Variants in LINGO1 observed in about 807,000 individuals in gnomAD.
LINGO1 encodes leucine rich repeat and Ig domain containing 1, also known as leucine-rich repeat and immunoglobulin-like domain-containing nogo receptor-interacting protein 1.
LINGO1 carries 11 observed loss-of-function variants against 37.3 expected under a neutral mutation model. That is an observed-to-expected ratio of 0.29 (90% CI 0.19 to 0.49). LINGO1 has a LOEUF of 0.49. Among genes scored for constraint, LINGO1 ranks in the 20% least tolerant of loss-of-function variants. The probability of loss-of-function intolerance (pLI) is 0.99; values close to 1 mark genes in which losing one functional copy is unlikely to be tolerated. For missense variants in LINGO1, 585 were observed against 878.2 expected (o/e 0.67, Z 4.22); for synonymous variants, 387 against 403.0 (o/e 0.96, Z 0.48).
chr15:77,629,984 G>A, intron 1 of LINGO1, among the ~76,000 whole-genome samples: 1 of 152,060 alleles, frequency 6.6e-6, no homozygotes, highest in East Asian at 1.9e-4. Flanking sequence ...GCGGGGCCAA[G>A]CCAGGTGAGG....
chr15:77,748,718 G>A (rs1283157492), intron 1 of LINGO1, among the ~76,000 whole-genome samples: 1 of 151,782 alleles, frequency 6.6e-6, no homozygotes, highest in Non-Finnish European at 1.5e-5. Flanking sequence ...TTTATTGGGG[G>A]TGCGGTGCAG....
chr15:77,672,966 G>A (rs573496760), intron 3 of LINGO1, among the ~76,000 whole-genome samples: 1 of 152,302 alleles, frequency 6.6e-6, no homozygotes, highest in African/African-American at 2.4e-5. Context: ...GGACAGACAT[G>A]AGACTTTGGG....
rs74026870 is a variant in LINGO1, at chr15:77,816,920, T to C, written c.-458+3338A>G. 4.1e-3 allele frequency among the ~76,000 whole-genome samples: 629 copies of C among 151,756 alleles called. 6 individuals are homozygous for C. Among genetic ancestry groups the C allele is most frequent in the African/African-American group, 0.014 (595 of 41,322 alleles). On this transcript the variant is annotated intron_variant, in intron 1 of 5. Transcript: ENST00000562933. ...TGTCAACCAGAGCTTTGGTCAACAC[T>C]CAGGAGGCAAAAGTCTGGAGCTTAG... is the stretch of plus-strand genomic sequence containing the variant.
At chr15:77,683,836 T>TA (rs60118146) in intron 2 of LINGO1, among the ~76,000 whole-genome samples, 60 of 147,898 alleles carry the variant, frequency 4.1e-4, no homozygotes, top group African/African-American at 9.6e-4. Flanking sequence ...GCTTTTATGG[T>TA]AAAAAAAAAA....
chr15:77,697,574 T>TTCAC (rs1359324615), upstream of LINGO1, among the ~76,000 whole-genome samples: 1 of 127,914 alleles, frequency 7.8e-6, no homozygotes, highest in Non-Finnish European at 1.8e-5. Context: ...CACTCATTCA[T>TTCAC]TCACTCATTC....
chr15:77,650,377 T>C (rs1426660101), intron 3 of LINGO1, among the ~76,000 whole-genome samples: 3 of 152,166 alleles, frequency 2.0e-5, no homozygotes, highest in African/African-American at 7.2e-5. Flanking sequence ...GGCTCCCAGG[T>C]GGGACACAGA....
chr15:77,617,331 G>T (rs1359350968), intron 1 of LINGO1, among the ~76,000 whole-genome samples: 1 of 152,102 alleles, frequency 6.6e-6, no homozygotes, highest in Non-Finnish European at 1.5e-5. Context: ...GTGAGTAGGG[G>T]GGTTGGGGGA....
intron 2 of LINGO1, among the ~76,000 whole-genome samples, chr15:77,711,639 C>T (rs377418080): frequency 7.9e-5 from 12 of 152,188 alleles, no homozygotes; most frequent in African/African-American, 9.7e-5. Context: ...TCACAGGATG[C>T]GTGCATTAAA....
At chr15:77,773,748 T>G (rs2076608996) in intron 1 of LINGO1, among the ~76,000 whole-genome samples, 1 of 151,588 alleles carries the variant, frequency 6.6e-6, no homozygotes, top group Admixed American at 6.5e-5. Flanking sequence ...ATTTTAAGCA[T>G]ATGACCTCTC....
At chr15:77,735,541 G>C (rs755789558) in intron 1 of LINGO1, among the ~76,000 whole-genome samples, 2 of 152,188 alleles carry the variant, frequency 1.3e-5, no homozygotes, top group East Asian at 1.9e-4. Flanking sequence ...CTTTACCTGG[G>C]CCCAGTCTCA....
In LINGO1 at chr15:77,614,236, G is replaced by A; in HGVS notation, c.1671C>T (p.Leu557=). The A allele has an allele frequency of 1.9e-6, 3 of 1,614,066 alleles. No individual in the cohort carries two copies. The highest frequency in any genetic ancestry group is 2.5e-6 in the Non-Finnish European group (3 of 1,179,906). ...TVPFPFDIKT[L]IIATTMGFIS... ...TGAAGCCCATGGTGGTGGCGATGATGAGGGTCTTGATGTCGAAGGGGAAAG... is the reference window on the plus strand; with the variant it reads ...TGAAGCCCATGGTGGTGGCGATGATAAGGGTCTTGATGTCGAAGGGGAAAG... The change falls in exon 2 of 2, where the codon CTC becomes CTT. Residue 557 remains leucine, a synonymous_variant. Transcript: ENST00000355300.
Position 77,632,485 on chromosome 15 carries a change from C to G in LINGO1, c.-170G>C. 1 of 612,436 alleles carries G rather than the reference C, an allele frequency of 1.6e-6. No individual in the cohort carries two copies. Among genetic ancestry groups the G allele is most frequent in the Non-Finnish European group, 2.3e-6 (1 of 432,306 alleles). 37.9% of individuals were successfully genotyped at this position (612,436 alleles called of 1,614,324 possible). A position where few individuals can be genotyped will look rare whatever the true frequency, so the allele number is the denominator to read the frequency against. ...GGGGCTGGCTGTCCGTCTGTCCGCC[C>G]CGCGCGGGCGGGAGCCGAGCCGGAG... On this transcript the variant is annotated 5_prime_UTR_variant, in exon 1 of 2. Coordinates refer to ENST00000355300, the MANE Select transcript of LINGO1 (RefSeq NM_032808.7). This position sits in a 1 kb window ranked among gnomAD's most constrained non-coding sequence, Gnocchi z 6.0.
At chr15:77,679,938 A>C (rs1411149125) in intron 2 of LINGO1, among the ~76,000 whole-genome samples, 1 of 152,246 alleles carries the variant, frequency 6.6e-6, no homozygotes, top group African/African-American at 2.4e-5. Flanking sequence ...ATGGTCCCAC[A>C]ACAGCCTTTG....
intron 1 of LINGO1, among the ~76,000 whole-genome samples, chr15:77,620,887 C>A (rs2073896881): frequency 6.6e-6 from 1 of 152,054 alleles, no homozygotes; most frequent in Admixed American, 6.5e-5. Context: ...TCAGAGAACA[C>A]TGAGAGGGCT....
rs570461694 is a variant in LINGO1, at chr15:77,623,599, G to C, written c.7-7699C>G. ...CCAGGCTGAGCTCCTGCAGGAGAAA[G>C]CCTGGCGGACTGCGCGGCTGGGGGC... On this transcript the variant is annotated intron_variant, in intron 1 of 1. Coordinates refer to ENST00000355300, the MANE Select transcript of LINGO1 (RefSeq NM_032808.7). Among the ~76,000 whole-genome samples, 22 of 152,326 alleles carry C rather than the reference G, an allele frequency of 1.4e-4. No homozygotes were observed. In the South Asian group the frequency reaches 1.4e-3, roughly 10 times the overall value.
At chr15:77,713,210 T>TGTGTGTGTG (rs1555533524) in intron 2 of LINGO1, among the ~76,000 whole-genome samples, 4 of 123,808 alleles carry the variant, frequency 3.2e-5, no homozygotes, top group African/African-American at 1.3e-4. Flanking sequence ...GCCCAGCTAA[T>TGTGTGTGTG]TGTGTGTGTG....
chr15:77,639,945 G>A (rs1035903565), intron 3 of LINGO1, among the ~76,000 whole-genome samples: 4 of 152,158 alleles, frequency 2.6e-5, no homozygotes, highest in Non-Finnish European at 5.9e-5. Flanking sequence ...GGTTCTAAGT[G>A]TGTTATCCAC....
upstream of LINGO1, among the ~76,000 whole-genome samples, chr15:77,636,917 C>T (rs1451796495): frequency 6.6e-6 from 1 of 152,156 alleles, no homozygotes; most frequent in Non-Finnish European, 1.5e-5. Flanking sequence ...ACTGTGGAGG[C>T]CAGACAGGGA....
intron 1 of LINGO1, among the ~76,000 whole-genome samples, chr15:77,751,108 A>C (rs1408902828): frequency 6.6e-6 from 1 of 152,140 alleles, no homozygotes; most frequent in East Asian, 1.9e-4. Flanking sequence ...TGGGCACACC[A>C]CCGTGATTGT....
Sources: gnomAD v4.1 joint callset for allele counts (sites outside exome capture counted in the v4.1 genomes callset) on GRCh38, gnomAD v4.1.1 for gene constraint, Gnocchi (gnomAD v3.1) non-coding constraint, MANE v1.5 for transcripts, NCBI Gene and HGNC (gene_info 2026-07-23, HGNC 2026-07-21) for gene names.